KCNIP4: variants seen among roughly 807,000 people sequenced by gnomAD.
KCNIP4 encodes Kv channel-interacting protein 4.
A neutral mutation model predicts 34.0 loss-of-function variants in KCNIP4; 12 were observed. That is an observed-to-expected ratio of 0.35 (90% confidence interval 0.23 to 0.57). The LOEUF is 0.57. Among genes scored for constraint, KCNIP4 ranks in the 20% least tolerant of loss-of-function variants. KCNIP4 has a pLI of 0.83. For missense variants in KCNIP4, 238 were observed against 311.7 expected, an observed-to-expected ratio of 0.76 and a Z score of 1.78; for synonymous variants, 124 against 102.2, an observed-to-expected ratio of 1.21 and a Z score of -1.29.
At chr4:20,948,070 TG>T (rs1388094058) in intron 1 of KCNIP4, among the ~76,000 whole-genome samples, 1 of 152,196 alleles carries the variant, frequency 6.6e-6, no homozygotes, top group Non-Finnish European at 1.5e-5. Context: ...TGAAAACACA[TG>T]TTAAATGAAG....
chr4:21,841,348 C>T (rs1560753931), intron 1 of KCNIP4, among the ~76,000 whole-genome samples: 1 of 152,136 alleles, frequency 6.6e-6, no homozygotes, highest in Non-Finnish European at 1.5e-5. Flanking sequence ...AGATGGTTAC[C>T]TGGTCTCTTT....
chr4:20,905,811 T>C (rs1727699448), intron 1 of KCNIP4, among the ~76,000 whole-genome samples: 2 of 151,894 alleles, frequency 1.3e-5, no homozygotes, highest in African/African-American at 4.8e-5. Flanking sequence ...TGAGCCACCA[T>C]CCCTGGCCTA....
intron 1 of KCNIP4, among the ~76,000 whole-genome samples, chr4:20,958,005 C>T (rs1349310388): frequency 6.6e-6 from 1 of 152,196 alleles, no homozygotes; most frequent in Non-Finnish European, 1.5e-5. Flanking sequence ...AGTCTTAACT[C>T]CATCTTCTGA....
chr4:21,183,469 G>GT (rs3080812), intron 1 of KCNIP4, among the ~76,000 whole-genome samples: 7,168 of 128,084 alleles, frequency 0.056, 188 homozygotes, highest in South Asian at 0.085. Flanking sequence ...TGTTGTTTTT[G>GT]TTTTTTTTTT....
At chr4:21,543,646 T>A (rs1737887306) in intron 1 of KCNIP4, among the ~76,000 whole-genome samples, 1 of 152,172 alleles carries the variant, frequency 6.6e-6, no homozygotes, top group Non-Finnish European at 1.5e-5. Context: ...ATTTTGAGCT[T>A]AAAGGGAATG....
At chr4:21,478,584 C>T (rs1417704044) in intron 1 of KCNIP4, among the ~76,000 whole-genome samples, 1 of 152,108 alleles carries the variant, frequency 6.6e-6, no homozygotes, top group Non-Finnish European at 1.5e-5. Flanking sequence ...CAAATGTTAC[C>T]GTTATTTTGG....
At chr4:21,086,492 A>C (rs1746444117) in intron 1 of KCNIP4, among the ~76,000 whole-genome samples, 1 of 152,228 alleles carries the variant, frequency 6.6e-6, no homozygotes, top group African/African-American at 2.4e-5. Context: ...ACATGCAATT[A>C]AAAATATATG....
intron 1 of KCNIP4, among the ~76,000 whole-genome samples, chr4:21,477,082 T>G (rs750639549): frequency 2.0e-5 from 3 of 152,164 alleles, no homozygotes; most frequent in Non-Finnish European, 4.4e-5. Flanking sequence ...TAAAAATCAA[T>G]GTGTGTTGTT....
intron 1 of KCNIP4, among the ~76,000 whole-genome samples, chr4:21,226,532 G>A (rs1413684424): frequency 1.3e-5 from 2 of 152,036 alleles, no homozygotes; most frequent in Admixed American, 6.6e-5. Flanking sequence ...TATTGTAAAG[G>A]ATGCTTTATT....
At chr4:21,335,835 G>T (rs998138066) in intron 1 of KCNIP4, among the ~76,000 whole-genome samples, 1 of 152,026 alleles carries the variant, frequency 6.6e-6, no homozygotes, top group Admixed American at 6.6e-5. Flanking sequence ...TTAGCTTGTA[G>T]AAAGAAGTAT....
intron 1 of KCNIP4, among the ~76,000 whole-genome samples, chr4:21,206,842 G>A (rs954510328): frequency 6.6e-6 from 1 of 152,148 alleles, no homozygotes; most frequent in Non-Finnish European, 1.5e-5. Flanking sequence ...TAAAGGAGGT[G>A]GAGCCAGAAT....
At chr4:21,273,984 T>G (rs1468635928) in intron 1 of KCNIP4, among the ~76,000 whole-genome samples, 1 of 152,188 alleles carries the variant, frequency 6.6e-6, no homozygotes, top group East Asian at 1.9e-4. Flanking sequence ...ACAGGTGTGC[T>G]TATTAAATTA....
intron 1 of KCNIP4, among the ~76,000 whole-genome samples, chr4:21,568,394 T>A (rs1355342312): frequency 6.6e-6 from 1 of 152,256 alleles, no homozygotes; most frequent in Non-Finnish European, 1.5e-5. Flanking sequence ...ATGGTTGATA[T>A]TGAGTGTCAA....
At chr4:20,896,276 C>T (rs77646047) in intron 1 of KCNIP4, among the ~76,000 whole-genome samples, 8,543 of 152,218 alleles carry the variant, frequency 0.056, 338 homozygotes, top group Middle Eastern at 0.099. Context: ...TGCCTGGCCC[C>T]TGTAGGAATT....
At chr4:20,736,704 C>A (rs1042222783) in intron 5 of KCNIP4, among the ~76,000 whole-genome samples, 1 of 152,136 alleles carries the variant, frequency 6.6e-6, no homozygotes, top group Admixed American at 6.5e-5. Flanking sequence ...ATGATACTTA[C>A]TTTTATCATG....
intron 1 of KCNIP4, among the ~76,000 whole-genome samples, chr4:21,860,805 G>T (rs7664617): frequency 2.0e-5 from 3 of 151,968 alleles, no homozygotes; most frequent in African/African-American, 7.2e-5. Flanking sequence ...CATAACTATG[G>T]CTCCAATAAT....
Position 21,524,861 on chromosome 4 carries a change from T to G in KCNIP4, c.61+423710A>C, listed in dbSNP as rs572994669. Among the ~76,000 whole-genome samples, 3 of 152,318 alleles carry G rather than the reference T, an allele frequency of 2.0e-5. No homozygotes were observed. The East Asian group carries it at 5.8e-4, about 29-fold the overall frequency. On this transcript the variant is annotated intron_variant, in intron 1 of 8. Coordinates refer to ENST00000382152, the MANE Select transcript of KCNIP4 (RefSeq NM_025221.6). ...TAACAGGAAGTCAATAAATATTTGTTGAATCCATGAATGACTTCTGTCTTA... is the reference window on the plus strand; with the variant it reads ...TAACAGGAAGTCAATAAATATTTGTGGAATCCATGAATGACTTCTGTCTTA...
chr4:20,829,182 C>T (rs913528982), intron 3 of KCNIP4, among the ~76,000 whole-genome samples: 1 of 150,646 alleles, frequency 6.6e-6, no homozygotes, highest in African/African-American at 2.4e-5. Context: ...TCCAGTGGGG[C>T]CAGAAGCACA....
chr4:21,837,534 A>AAAAAAAAAAAG (rs1337344201), intron 1 of KCNIP4, among the ~76,000 whole-genome samples: 2 of 147,122 alleles, frequency 1.4e-5, no homozygotes, highest in East Asian at 2.0e-4. Context: ...AACGCTGTCA[A>AAAAAAAAAAAG]AAAAAAAAAA....
Sources: allele counts gnomAD v4.1 joint callset (sites outside exome capture counted in the v4.1 genomes callset), GRCh38; gene constraint gnomAD v4.1.1; transcripts MANE v1.5; gene names NCBI Gene and HGNC (gene_info 2026-07-23, HGNC 2026-07-21).